The following MDC1 variants were observed in gnomAD, a reference collection of about 807,000 sequenced individuals.
The protein encoded by MDC1 is mediator of DNA damage checkpoint protein 1.
MDC1 carries 81 observed loss-of-function variants against 142.5 expected under a neutral mutation model. The observed-to-expected ratio is 0.57, with a 90% confidence interval of 0.47 to 0.68. The LOEUF (loss-of-function observed/expected upper bound fraction) is 0.68. MDC1 is among the 30% of genes least tolerant of loss of function. The probability of loss-of-function intolerance (pLI) is 0.00; values close to 1 mark genes in which losing one functional copy is unlikely to be tolerated. For synonymous variants in MDC1, 797 were observed against 968.4 expected (o/e 0.82, Z 3.29); for missense variants, 2,119 against 2,547.9 (o/e 0.83, Z 3.62).
At position 30,701,577 on chromosome 6, in the gene MDC1, G is replaced by T. The variant is rs3130675; in HGVS notation, c.6103-945C>A. 6.6e-3 allele frequency among the ~76,000 whole-genome samples: 1,002 copies of T among 152,200 alleles called. 9 individuals carry two copies. Among genetic ancestry groups the T allele is most frequent in the Admixed American group, 9.3e-3 (142 of 15,272 alleles). ...AAGGACAAGTGACCCAGCTTCTGCA[G>T]GAAATAGATGGCATAAAAAAAGCTG... On this transcript the variant is annotated intron_variant, in intron 14 of 14. Coordinates refer to ENST00000376406, the MANE Select transcript of MDC1 (RefSeq NM_014641.3).
At chr6:30,711,100 C>T (rs936367808) in intron 7 of MDC1, among the ~76,000 whole-genome samples, 2 of 152,228 alleles carry the variant, frequency 1.3e-5, no homozygotes, top group South Asian at 2.1e-4. Context: ...GCAGGCCGGG[C>T]GCAGTGGCTT....
At chr6:30,707,500 G>A (rs750604044) in intron 8 of MDC1, 46 bp from the exon 9 acceptor site, 1 of 1,613,012 alleles carries the variant, frequency 6.2e-7, no homozygotes, top group Non-Finnish European at 8.5e-7. Context: ...CAAGCAGCTG[G>A]TTGCCCAGGG....
At position 30,704,291 on chromosome 6, in the gene MDC1, G is replaced by C; in HGVS notation, c.4892C>G (p.Pro1631Arg). The stretch of plus-strand genomic sequence containing the variant: ...CCTAGTGGCCCTAGATGTGAGCTTG[G>C]GGGTGACAGGCTGGTCTGTGGAGGT... ...PTTSTDQPVT[P>R]KLTSRATRRK... The change falls in exon 10 of 15, where the codon CCC becomes CGC. Residue 1631 changes from proline (P) to arginine (R), a missense_variant. By Grantham distance (103) the Pro-to-Arg change is moderately radical. Transcript: ENST00000376406. 1.2e-6 allele frequency: 2 copies of C among 1,613,652 alleles called. No individual in the cohort carries two copies. The highest frequency in any genetic ancestry group is 1.7e-6 in the Non-Finnish European group (2 of 1,179,764).
rs1775679675 is a variant in MDC1, at chr6:30,716,437, CCTGA to C, written c.-4+804_-4+807del. Reference sequence around the variant, plus strand: ...CGGGGTTTCACCACGGTCTCGAGCTCCTGACCTCAGGTGATCCGCCCACCTTGGC... The same window carrying C: ...CGGGGTTTCACCACGGTCTCGAGCTCCCTCAGGTGATCCGCCCACCTTGGC... On this transcript the variant is annotated intron_variant, in intron 1 of 14. Coordinates refer to ENST00000376406, the MANE Select transcript of MDC1 (RefSeq NM_014641.3). The surrounding 1 kb of genome is among the most constrained non-coding windows in gnomAD (Gnocchi z 4.4). Among the ~76,000 whole-genome samples, 2 of 152,140 alleles carry C rather than the reference CCTGA, an allele frequency of 1.3e-5. No homozygotes were observed. The highest frequency in any genetic ancestry group is 4.1e-4 in the South Asian group (2 of 4,832).
chr6:30,705,255 T>C lies in MDC1; in HGVS notation c.3928A>G (p.Thr1310Ala). The C allele has an allele frequency of 6.2e-7, 1 of 1,602,770 alleles. No individual in the cohort carries two copies. Residue 1310 changes from threonine (T) to alanine (A), a missense_variant, in exon 10 of 15, where the codon ACT becomes GCT. Thr to Ala is a moderately conservative substitution (Grantham distance 58, BLOSUM62 0). Coordinates refer to ENST00000376406, the MANE Select transcript of MDC1 (RefSeq NM_014641.3). ...GAGGACATATTTGTCCTGCTCCTAG[T>C]GGTCCGAGATGTGGGCTTGGGGGTG... ...PVTPKPTSRT[T>A]RSRTNMSSVK...
In MDC1 at chr6:30,705,747, T is replaced by C; in HGVS notation, c.3436A>G (p.Thr1146Ala). Reference sequence around the variant, plus strand: ...GAGGACCTATTTGTCCTGCTCCTAGTGGCCTGAGATGTGGGCTTGGGAGTG... The same window carrying C: ...GAGGACCTATTTGTCCTGCTCCTAGCGGCCTGAGATGTGGGCTTGGGAGTG... ...PVTPKPTSQA[T>A]RSRTNRSSVK... Residue 1146 changes from threonine (T) to alanine (A), a missense_variant, in exon 10 of 15, where the codon ACT becomes GCT. Thr to Ala is a moderately conservative substitution (Grantham distance 58, BLOSUM62 0). Coordinates refer to ENST00000376406, the MANE Select transcript of MDC1 (RefSeq NM_014641.3). The C allele has an allele frequency of 6.2e-7, 1 of 1,612,780 alleles. No individual in the cohort carries two copies. Among genetic ancestry groups the C allele is most frequent in the Non-Finnish European group, 8.5e-7 (1 of 1,179,242 alleles).
Position 30,703,601 on chromosome 6 carries a change from G to T in MDC1, c.5562+20C>A, listed in dbSNP as rs1445407346. On this transcript the variant is annotated intron_variant, in intron 10 of 14. Transcript: ENST00000376406. This position sits in a 1 kb window ranked among gnomAD's most constrained non-coding sequence, Gnocchi z 4.4. Reference sequence around the variant, plus strand: ...CTGAAGTCATTTTTCCCAGCTTTGTGGTCCCAACCCTCTCCTCACCTCTTC... The same window carrying T: ...CTGAAGTCATTTTTCCCAGCTTTGTTGTCCCAACCCTCTCCTCACCTCTTC... 1.2e-6 allele frequency: 2 copies of T among 1,611,822 alleles called. No individual in the cohort carries two copies. The highest frequency in any genetic ancestry group is 2.7e-5 in the African/African-American group (2 of 74,858).
Position 30,704,600 on chromosome 6 carries a change from T to A in MDC1, c.4583A>T (p.Glu1528Val), listed in dbSNP as rs562826066. The A allele has an allele frequency of 2.5e-6, 4 of 1,607,958 alleles. No homozygotes were observed. The South Asian group carries it at 4.4e-5, about 18-fold the overall frequency. Reference protein sequence around the residue: ...RKNRSSVKTPETVVPAAPELQ... With the variant: ...RKNRSSVKTPVTVVPAAPELQ... ...CTCAGGGGCTGCGGGCACAACTGTT[T>A]CAGGGGTCTTGACAGAGGACCGATT... Residue 1528 changes from glutamate to valine, a missense_variant, in exon 10 of 15, where the codon GAA becomes GTA. Glu to Val is a moderately radical substitution (Grantham distance 121, BLOSUM62 -2). Transcript: ENST00000376406.
intron 9 of MDC1, among the ~76,000 whole-genome samples, chr6:30,706,754 G>A (rs981293261): frequency 2.0e-5 from 3 of 150,888 alleles, no homozygotes; most frequent in Admixed American, 1.3e-4. Flanking sequence ...CCAAGATCGC[G>A]CCACTGCACT....
chr6:30,714,947 T>G, intron 2 of MDC1, 93 bp downstream of exon 2: 3 of 1,457,196 alleles, frequency 2.1e-6, no homozygotes, highest in Non-Finnish European at 2.8e-6. Context: ...CACATCTCAT[T>G]GAAACATACA....
Position 30,702,842 on chromosome 6 carries a change from T to C in MDC1, c.5901A>G (p.Glu1967=), listed in dbSNP as rs28994877. 2.5e-6 allele frequency: 4 copies of C among 1,613,108 alleles called. No homozygotes were observed. The highest frequency in any genetic ancestry group is 3.4e-6 in the Non-Finnish European group (4 of 1,180,026). Residue 1967 remains glutamate, a synonymous_variant, in exon 13 of 15, where the codon GAA becomes GAG. Coordinates refer to ENST00000376406, the MANE Select transcript of MDC1 (RefSeq NM_014641.3). ...CTTGCTCAGGGTCGGTCACCACATA[T>C]TCATCCGGGGGTAAGAAGAAACCAG... The part of the protein sequence containing the change: ...RKAGFFLPPD[E]YVVTDPEQEK...
chr6:30,708,165 C>T lies in MDC1; in HGVS notation c.2414G>A (p.Arg805Lys), dbSNP rs745970640. 13 of 1,613,204 alleles carry T rather than the reference C, an allele frequency of 8.1e-6. No homozygotes were observed. In the South Asian group the frequency reaches 1.3e-4, roughly 16 times the overall value. The change falls in exon 8 of 15, where the codon AGA (arginine) becomes AAA (lysine). Residue 805 changes from arginine (R) to lysine (K), a missense_variant. Coordinates refer to ENST00000376406, the MANE Select transcript of MDC1 (RefSeq NM_014641.3). ...GACTTTATCCACAGTCTGCCTCCCT[C>T]TGCCTTGAATCCCCATTGGCTCTGT... Reference protein sequence around the residue: ...VHTEPMGIQGRGRQTVDKVMG... With the variant: ...VHTEPMGIQGKGRQTVDKVMG...
chr6:30,705,751 C>T lies in MDC1; in HGVS notation c.3432G>A (p.Gln1144=), dbSNP rs148825311. ...AQPVTPKPTS[Q]ATRSRTNRSS... ...ACCTATTTGTCCTGCTCCTAGTGGC[C>T]TGAGATGTGGGCTTGGGAGTGACTG... is the stretch of plus-strand genomic sequence containing the variant. Residue 1144 remains glutamine (Q), a synonymous_variant, in exon 10 of 15, where the codon CAG becomes CAA. Transcript: ENST00000376406. 77 of 1,613,032 alleles carry T rather than the reference C, an allele frequency of 4.8e-5. No individual in the cohort carries two copies. The African/African-American group carries it at 7.2e-4, about 15-fold the overall frequency.
intron 14 of MDC1, 72 bp from the exon 15 acceptor site, chr6:30,700,704 A>T: frequency 1.3e-6 from 2 of 1,487,018 alleles, no homozygotes. Context: ...CCCACTAACC[A>T]GTCTTACCAT....
rs1162269300 is a variant in MDC1, at chr6:30,705,942, T to A, written c.3241A>T (p.Thr1081Ser). 1 of 1,613,902 alleles carries A rather than the reference T, an allele frequency of 6.2e-7. No homozygotes were observed. The highest frequency in any genetic ancestry group is 8.5e-7 in the Non-Finnish European group (1 of 1,179,950). ...LPSIKPTVRK[T>S]RQDGSQEAPE... ...GCTTCCTGACTCCCATCTTGCCTGG[T>A]CTTACGAACGGTTGGCTTGATAGAA... Residue 1081 changes from threonine (T) to serine (S), a missense_variant, in exon 10 of 15, where the codon ACC becomes TCC. Physicochemically the swap from Thr to Ser is moderately conservative, Grantham distance 58. Transcript: ENST00000376406.
In MDC1 at chr6:30,713,802, C is replaced by T; in HGVS notation, c.517+1G>A. 6.2e-7 allele frequency: 1 copy of T among 1,613,800 alleles called. No homozygotes were observed. The stretch of plus-strand genomic sequence containing the variant: ...TTCTCCCTGCCAATATACAAACTTA[C>T]CTACTTCCTCCTCCGAGTCCTCAGC... On this transcript the variant is annotated splice_donor_variant, in intron 3 of 14. Coordinates refer to ENST00000376406, the MANE Select transcript of MDC1 (RefSeq NM_014641.3). LOFTEE classifies it high-confidence loss of function. The surrounding 1 kb of genome is among the most constrained non-coding windows in gnomAD (Gnocchi z 4.9).
chr6:30,712,909 T>C lies in MDC1; in HGVS notation c.1033A>G (p.Ile345Val). Residue 345 changes from isoleucine (I) to valine (V), a missense_variant, in exon 5 of 15, where the codon ATT becomes GTT. Ile to Val is a conservative substitution (Grantham distance 29). Transcript: ENST00000376406. This position sits in a 1 kb window ranked among gnomAD's most constrained non-coding sequence, Gnocchi z 4.7. ...EERIPATPVV[I>V]PMKKRKIFHG... is the part of the protein sequence containing the mutation. The stretch of plus-strand genomic sequence containing the variant: ...AAGATCTTCCTCTTCTTCATAGGAA[T>C]GACAACTGGGGTTGCTGGGATCCTC... 1 of 1,613,092 alleles carries C rather than the reference T, an allele frequency of 6.2e-7. No individual in the cohort carries two copies. Among genetic ancestry groups the C allele is most frequent in the Non-Finnish European group, 8.5e-7 (1 of 1,180,044 alleles).
In MDC1 at chr6:30,716,674, C is replaced by T. The variant is rs561167415; in HGVS notation, c.-4+571G>A. 6.6e-6 allele frequency among the ~76,000 whole-genome samples: 1 copy of T among 152,268 alleles called. No individual in the cohort carries two copies. The highest frequency in any genetic ancestry group is 1.9e-4 in the East Asian group (1 of 5,182). ...TTTCCATTTCTGCCTTCACACTCACCCACCTCCAGGACTGGATTAGGGGAA... is the reference window on the plus strand; with the variant it reads ...TTTCCATTTCTGCCTTCACACTCACTCACCTCCAGGACTGGATTAGGGGAA... On this transcript the variant is annotated intron_variant, in intron 1 of 14. Transcript: ENST00000376406. This position sits in a 1 kb window ranked among gnomAD's most constrained non-coding sequence, Gnocchi z 4.4.
At chr6:30,700,902 C>CAAAAAAAA (rs9281018) in intron 14 of MDC1, among the ~76,000 whole-genome samples, 6 of 70,588 alleles carry the variant, frequency 8.5e-5, no homozygotes, top group African/African-American at 2.4e-4. Flanking sequence ...ACTAAAAATA[C>CAAAAAAAA]AAAAAAAAAA....
Sources: gnomAD v4.1 joint callset for allele counts (sites outside exome capture counted in the v4.1 genomes callset) on GRCh38, gnomAD v4.1.1 for gene constraint, Gnocchi (gnomAD v3.1) non-coding constraint, MANE v1.5 for transcripts, NCBI Gene and HGNC (gene_info 2026-07-23, HGNC 2026-07-21) for gene names.